SYNE1: variants seen among roughly 807,000 people sequenced by gnomAD.
The protein encoded by SYNE1 is spectrin repeat containing nuclear envelope protein 1.
Under a neutral mutation model 1,111.0 loss-of-function variants are expected in SYNE1, and 616 were observed. The observed-to-expected ratio is 0.55, with a 90% CI of 0.52 to 0.59. The LOEUF (loss-of-function observed/expected upper bound fraction) is 0.59, where lower values mean the gene tolerates loss of function less well. Ranked by LOEUF, SYNE1 falls within the 20% of genes least tolerant of loss-of-function variation. The pLI is 0.00. For missense variants in SYNE1, 10,006 were observed against 10,417.0 expected, an observed-to-expected ratio of 0.96 and a Z score of 1.72; for synonymous variants, 3,855 against 3,825.8, an observed-to-expected ratio of 1.01 and a Z score of -0.28.
intron 40 of SYNE1, among the ~76,000 whole-genome samples, chr6:152,418,426 C>G (rs1341941479): frequency 6.6e-6 from 1 of 152,142 alleles, no homozygotes; most frequent in East Asian, 1.9e-4. Flanking sequence ...TGCCACAGAA[C>G]CAATTAGTCA....
At chr6:152,258,255 G>A (rs969092838) in intron 101 of SYNE1, among the ~76,000 whole-genome samples, 4 of 152,128 alleles carry the variant, frequency 2.6e-5, no homozygotes, top group Non-Finnish European at 5.9e-5. Context: ...ATTAATACCT[G>A]AGAGCTGGAT....
intron 109 of SYNE1, 48 bp from the exon 110 acceptor site, chr6:152,236,351 G>A (rs368501486): frequency 7.1e-7 from 1 of 1,398,994 alleles, no homozygotes; most frequent in South Asian, 1.2e-5. Context: ...TGCAATTTTT[G>A]TCTTTAAGAA....
At position 152,394,346 on chromosome 6, in the gene SYNE1, G is replaced by A. The variant is rs924597866; in HGVS notation, c.7712+1170C>T. Among the ~76,000 whole-genome samples the A allele has an allele frequency of 3.9e-5, 6 of 152,158 alleles. 1 individual carries two copies. The highest frequency in any genetic ancestry group is 1.4e-4 in the African/African-American group (6 of 41,428). ...TAATATGATTGTTTCTGACTTATTT[G>A]ATAAAGTAGAGTGGGTGCTATCCTC... is the stretch of plus-strand genomic sequence containing the variant. On this transcript the variant is annotated intron_variant, in intron 51 of 145. Coordinates refer to ENST00000367255, the MANE Select transcript of SYNE1 (RefSeq NM_182961.4).
At chr6:152,329,698 A>G (rs1051378606) in intron 78 of SYNE1, 32 bp downstream of exon 78, 2 of 1,614,046 alleles carry the variant, frequency 1.2e-6, no homozygotes, top group Non-Finnish European at 1.7e-6. Flanking sequence ...AGCAGAGTGG[A>G]AAAAAGAGAA....
intron 55 of SYNE1, among the ~76,000 whole-genome samples, chr6:152,382,381 T>G (rs1208740632): frequency 6.6e-6 from 1 of 152,202 alleles, no homozygotes; most frequent in East Asian, 1.9e-4. Context: ...CTTAATAAAT[T>G]ATGTTAAGCA....
chr6:152,321,508 TACA>T (rs1198775396), intron 83 of SYNE1, 118 bp from the exon 84 acceptor site: 3 of 1,341,938 alleles, frequency 2.2e-6, no homozygotes, highest in Non-Finnish European at 3.1e-6. Flanking sequence ...AATATCTTAA[TACA>T]ACATTGTTCT....
intron 95 of SYNE1, among the ~76,000 whole-genome samples, chr6:152,289,192 A>G (rs2094465961): frequency 6.6e-6 from 1 of 152,168 alleles, no homozygotes; most frequent in African/African-American, 2.4e-5. Context: ...CAGCTACCCG[A>G]CAATATATGA....
intron 6 of SYNE1, among the ~76,000 whole-genome samples, chr6:152,513,030 A>T (rs1444328610): frequency 6.6e-6 from 1 of 152,208 alleles, no homozygotes; most frequent in Admixed American, 6.5e-5. Context: ...TGTTAGAGAT[A>T]TAGAATCTGA....
intron 11 of SYNE1, 138 bp from the exon 12 acceptor site, chr6:152,488,641 C>A: frequency 1.7e-6 from 1 of 588,136 alleles, no homozygotes; most frequent in Non-Finnish European, 3.0e-6. Flanking sequence ...TTCTCCTTAC[C>A]CCCACCTTTA....
At chr6:152,406,808 C>T (rs2097908680) in intron 45 of SYNE1, among the ~76,000 whole-genome samples, 1 of 151,882 alleles carries the variant, frequency 6.6e-6, no homozygotes, top group African/African-American at 2.4e-5. Context: ...GTGGAGGTTG[C>T]AGTGAGCCGA....
intron 3 of SYNE1, among the ~76,000 whole-genome samples, chr6:152,563,067 C>A (rs1174231149): frequency 1.3e-5 from 2 of 151,962 alleles, no homozygotes; most frequent in African/African-American, 4.8e-5. Flanking sequence ...CACACACACA[C>A]ACACACACAG....
intron 95 of SYNE1, among the ~76,000 whole-genome samples, chr6:152,286,211 A>G (rs1283464754): frequency 6.6e-6 from 1 of 152,208 alleles, no homozygotes; most frequent in Non-Finnish European, 1.5e-5. Context: ...CACCAACTAT[A>G]TATATCCATG....
chr6:152,433,484 A>C (rs1012109751), intron 34 of SYNE1: 1 of 375,274 alleles, frequency 2.7e-6, no homozygotes, highest in Middle Eastern at 8.1e-4. Context: ...ATGAACCGGC[A>C]GAGCATTCTA....
At position 152,441,144 on chromosome 6, in the gene SYNE1, G is replaced by A. The variant is rs1214130089; in HGVS notation, c.4135C>T (p.Leu1379=). 1 of 1,613,554 alleles carries A rather than the reference G, an allele frequency of 6.2e-7. No individual in the cohort carries two copies. The highest frequency in any genetic ancestry group is 1.7e-5 in the Admixed American group (1 of 60,010). ...CCATAATATACCTTTGTTTGTTCCA[G>A]TTCTGAAGATAAACTTTCCAAACTG... ...FSSLESLSSE[L]EQTKEFSKRT... Residue 1379 remains leucine (L), a synonymous_variant, in exon 32 of 146, where the codon CTG becomes TTG. Transcript: ENST00000367255.
intron 124 of SYNE1, among the ~76,000 whole-genome samples, chr6:152,210,072 T>C (rs1431635837): frequency 6.6e-6 from 1 of 152,196 alleles, no homozygotes; most frequent in Non-Finnish European, 1.5e-5. Context: ...CATGACACTG[T>C]TCCCTGTGCT....
rs146753595 is a variant in SYNE1 at position 152,301,718 on chromosome 6, G to A, written c.17541+151C>T. 1.3e-3 allele frequency: 1,031 copies of A among 799,514 alleles called. 4 individuals are homozygous for A. Among genetic ancestry groups the A allele is most frequent in the African/African-American group, 0.01 (583 of 57,516 alleles). The allele number at this position is 799,514 out of a possible 1,614,324, so 49.5% of individuals were successfully genotyped here. A position where few individuals can be genotyped will look rare whatever the true frequency, so the allele number is the denominator to read the frequency against. ...GTGTCAAAGATTGGCCCGGCCCAAC[G>A]GTAGTCAAAGAGACTTAAGGAATCT... On this transcript the variant is annotated intron_variant, in intron 92 of 145. Coordinates refer to ENST00000367255, the MANE Select transcript of SYNE1 (RefSeq NM_182961.4).
chr6:152,498,592 G>A (rs1392970956), intron 11 of SYNE1, 150 bp downstream of exon 11: 1 of 485,140 alleles, frequency 2.1e-6, no homozygotes, highest in African/African-American at 2.0e-5. Flanking sequence ...TATGTTATTT[G>A]TTCTGTTAGA....
At chr6:152,182,756 C>T (rs1270714419) in intron 128 of SYNE1, among the ~76,000 whole-genome samples, 1 of 152,170 alleles carries the variant, frequency 6.6e-6, no homozygotes, top group African/African-American at 2.4e-5. Flanking sequence ...ATCCCAAGGC[C>T]AGCCTTAGGC....
intron 2 of SYNE1, among the ~76,000 whole-genome samples, chr6:152,633,507 G>C (rs1456924505): frequency 2.0e-5 from 3 of 152,198 alleles, no homozygotes; most frequent in Non-Finnish European, 4.4e-5. Context: ...TAATGGAAAA[G>C]TCCAGGCTAC....
Sources: gnomAD v4.1 joint callset for allele counts (sites outside exome capture counted in the v4.1 genomes callset) on GRCh38, gnomAD v4.1.1 for gene constraint, MANE v1.5 for transcripts, NCBI Gene and HGNC (gene_info 2026-07-23, HGNC 2026-07-21) for gene names.